The following APBB2 variants were observed in gnomAD, a reference collection of about 807,000 sequenced individuals.
APBB2 encodes the protein Fe65-like 1.
In APBB2, 38 loss-of-function variants were observed where a neutral mutation model predicts 82.5. That is an observed-to-expected ratio of 0.46 (90% CI 0.36 to 0.60). The LOEUF (loss-of-function observed/expected upper bound fraction) is 0.60. Ranked by LOEUF, APBB2 falls within the 20% of genes least tolerant of loss-of-function variation. APBB2 has a pLI of 0.00. For missense variants in APBB2, 772 were observed against 972.3 expected, an observed-to-expected ratio of 0.79 and a Z score of 2.74; for synonymous variants, 341 against 368.2, an observed-to-expected ratio of 0.93 and a Z score of 0.85.
In APBB2 at chr4:40,822,036, G is replaced by T; in HGVS notation, c.1947C>A (p.Val649=). 6.2e-7 allele frequency: 1 copy of T among 1,614,184 alleles called. No homozygotes were observed. The highest frequency in any genetic ancestry group is 8.5e-7 in the Non-Finnish European group (1 of 1,180,042). ...TVISEKNEEE[V]LVECRVRFLS... ...GGAATCGCACACGACATTCCACTAAGACTTCCTCTTCATTCTGCAAGAGAC... is the reference window on the plus strand; with the variant it reads ...GGAATCGCACACGACATTCCACTAATACTTCCTCTTCATTCTGCAAGAGAC... The change falls in exon 17 of 18, where the codon GTC becomes GTA. Residue 649 remains valine (V), a synonymous_variant. Coordinates refer to ENST00000508593, the MANE Select transcript of APBB2 (RefSeq NM_004307.2).
chr4:40,846,904 G>A (rs969825106), intron 12 of APBB2, among the ~76,000 whole-genome samples: 4 of 151,848 alleles, frequency 2.6e-5, no homozygotes, highest in Non-Finnish European at 4.4e-5. Context: ...AAGAATTAAC[G>A]AGCTTCAGCT....
intron 12 of APBB2, among the ~76,000 whole-genome samples, chr4:40,854,380 A>C (rs1270211512): frequency 6.6e-6 from 1 of 152,232 alleles, no homozygotes; most frequent in Non-Finnish European, 1.5e-5. Flanking sequence ...GTTTACTCCC[A>C]AAAACCCATG....
intron 1 of APBB2, among the ~76,000 whole-genome samples, chr4:41,212,251 T>C (rs747453441): frequency 6.6e-6 from 1 of 152,234 alleles, no homozygotes; most frequent in Non-Finnish European, 1.5e-5. Context: ...TTACAATATA[T>C]GCAATAGTTT....
At position 40,913,523 on chromosome 4, in the gene APBB2, T is replaced by C. The variant is rs533329602; in HGVS notation, c.1255-20112A>G. 2.0e-5 allele frequency among the ~76,000 whole-genome samples: 3 copies of C among 152,244 alleles called. No individual in the cohort carries two copies. In the South Asian group the frequency reaches 6.2e-4, roughly 32 times the overall value. On this transcript the variant is annotated intron_variant, in intron 10 of 17. Transcript: ENST00000508593. ...CACTCCATCCCCATCATGTGCAGAT[T>C]CCATATCTGCAAGTTCACCTACTTG...
chr4:40,982,386 GGAAGGAAAGGA>G (rs1799154569), intron 6 of APBB2, among the ~76,000 whole-genome samples: 1 of 9,202 alleles, frequency 1.1e-4, no homozygotes, highest in Non-Finnish European at 2.0e-4. Context: ...AAGGAAGGAA[GGAAGGAAAGGA>G]AAGGAAAGAA....
At chr4:41,115,906 G>A (rs1379120824) in intron 2 of APBB2, among the ~76,000 whole-genome samples, 2 of 152,208 alleles carry the variant, frequency 1.3e-5, no homozygotes, top group African/African-American at 4.8e-5. Context: ...AGACAGTGTG[G>A]CGATTCCTCG....
chr4:41,177,323 T>C (rs1770094590), intron 1 of APBB2, among the ~76,000 whole-genome samples: 2 of 152,194 alleles, frequency 1.3e-5, no homozygotes, highest in East Asian at 1.9e-4. Flanking sequence ...CTGACAGTTA[T>C]TCTGGTTATG....
chr4:40,977,415 C>T (rs144817007), intron 6 of APBB2, among the ~76,000 whole-genome samples: 47 of 151,800 alleles, frequency 3.1e-4, no homozygotes, highest in East Asian at 9.7e-4. Context: ...CAGGTTCAAG[C>T]GATTCTCATG....
chr4:40,898,807 A>G (rs769980251), intron 10 of APBB2, among the ~76,000 whole-genome samples: 12 of 151,214 alleles, frequency 7.9e-5, no homozygotes, highest in Non-Finnish European at 1.0e-4. Flanking sequence ...CAACAGAGTG[A>G]GACTCCATCT....
intron 1 of APBB2, among the ~76,000 whole-genome samples, chr4:41,148,663 A>C (rs1761439896): frequency 6.6e-6 from 1 of 152,228 alleles, no homozygotes; most frequent in Non-Finnish European, 1.5e-5. Flanking sequence ...TCGGAATTCC[A>C]GACAAACACC....
intron 10 of APBB2, among the ~76,000 whole-genome samples, chr4:40,924,368 G>A (rs3922617): frequency 0.7 from 106,412 of 152,080 alleles, 37,466 homozygotes; most frequent in South Asian, 0.82. Flanking sequence ...CCCAAAGATG[G>A]CTGCATTAAA....
rs1290050132 is a variant in APBB2 at position 40,858,083 on chromosome 4, G to A, written c.1530-27506C>T. Among the ~76,000 whole-genome samples, 4 of 151,822 alleles carry A rather than the reference G, an allele frequency of 2.6e-5. No individual in the cohort carries two copies. The South Asian group carries it at 8.3e-4, about 32-fold the overall frequency. Reference sequence around the variant, plus strand: ...CTGACTTGAAGCCAAGATCCCACAGGCACCCCAACATTGTCATCTCTAGCT... The same window carrying A: ...CTGACTTGAAGCCAAGATCCCACAGACACCCCAACATTGTCATCTCTAGCT... On this transcript the variant is annotated intron_variant, in intron 12 of 17. Transcript: ENST00000508593.
At chr4:41,183,871 G>A (rs555504373) in intron 1 of APBB2, among the ~76,000 whole-genome samples, 16 of 151,902 alleles carry the variant, frequency 1.1e-4, no homozygotes, top group East Asian at 3.9e-4. Flanking sequence ...TGATTCAAGC[G>A]CACTACAGTT....
At chr4:41,058,039 C>T (rs2153871446) in intron 4 of APBB2, among the ~76,000 whole-genome samples, 1 of 152,258 alleles carries the variant, frequency 6.6e-6, no homozygotes, top group African/African-American at 2.4e-5. Context: ...GACTAAAGTC[C>T]CTCCAAAGAC....
intron 1 of APBB2, among the ~76,000 whole-genome samples, chr4:41,185,060 GTTTCATT>G (rs1772517062): frequency 6.6e-6 from 1 of 152,162 alleles, no homozygotes; most frequent in South Asian, 2.1e-4. Context: ...CAGGAACTTT[GTTTCATT>G]GTATCCCCAA....
intron 12 of APBB2, among the ~76,000 whole-genome samples, chr4:40,846,354 C>T (rs1335787600): frequency 7.1e-6 from 1 of 141,396 alleles, no homozygotes; most frequent in African/African-American, 2.7e-5. Context: ...AAAAAGTGCA[C>T]AGACTCACAA....
At chr4:40,974,856 C>A (rs1796768482) in intron 6 of APBB2, among the ~76,000 whole-genome samples, 1 of 152,158 alleles carries the variant, frequency 6.6e-6, no homozygotes, top group African/African-American at 2.4e-5. Context: ...TGCCGAGGGG[C>A]ATGTGCATTG....
chr4:41,191,377 C>T (rs1371505440), intron 1 of APBB2, among the ~76,000 whole-genome samples: 1 of 152,184 alleles, frequency 6.6e-6, no homozygotes, highest in Non-Finnish European at 1.5e-5. Context: ...CAACAGCTAT[C>T]AAATCTTTTT....
intron 1 of APBB2, among the ~76,000 whole-genome samples, chr4:41,204,930 A>C (rs1777571297): frequency 6.6e-6 from 1 of 152,248 alleles, no homozygotes; most frequent in Non-Finnish European, 1.5e-5. Flanking sequence ...ATTCAACAGT[A>C]AATCTGATCT....
Sources: gnomAD v4.1 joint callset for allele counts (sites outside exome capture counted in the v4.1 genomes callset) on GRCh38, gnomAD v4.1.1 for gene constraint, MANE v1.5 for transcripts, NCBI Gene and HGNC (gene_info 2026-07-23, HGNC 2026-07-21) for gene names.